The following KDM7A variants were observed in gnomAD, a reference collection of about 807,000 sequenced individuals.
The protein encoded by KDM7A is lysine demethylase 7A.
KDM7A carries 28 observed loss-of-function variants against 114.8 expected under a neutral mutation model. That is an observed-to-expected ratio of 0.24 (90% CI 0.18 to 0.33). The LOEUF (loss-of-function observed/expected upper bound fraction) is 0.33. Ranked by LOEUF, KDM7A falls within the 10% of genes least tolerant of loss-of-function variation. KDM7A has a pLI of 1.00. For synonymous variants in KDM7A, 423 were observed against 397.8 expected, an observed-to-expected ratio of 1.06 and a Z score of -0.75; for missense variants, 942 against 1,142.5, an observed-to-expected ratio of 0.82 and a Z score of 2.53.
chr7:140,176,802 A>G lies in KDM7A; in HGVS notation c.136T>C (p.Tyr46His). 1.4e-6 allele frequency: 2 copies of G among 1,413,792 alleles called. No homozygotes were observed. The highest frequency in any genetic ancestry group is 3.4e-5 in the East Asian group (1 of 29,254). The allele number at this position is 1,413,792 out of a possible 1,614,324, so 87.6% of individuals were successfully genotyped here. A position where few individuals can be genotyped will look rare whatever the true frequency, so the allele number is the denominator to read the frequency against. The change falls in exon 1 of 20, where the codon TAC becomes CAC. Residue 46 changes from tyrosine (Y) to histidine (H), a missense_variant. Physicochemically the swap from Tyr to His is moderately conservative, Grantham distance 83. Coordinates refer to ENST00000397560, the MANE Select transcript of KDM7A (RefSeq NM_030647.2). This position sits in a 1 kb window ranked among gnomAD's most constrained non-coding sequence, Gnocchi z 4.4. ...PPVYCVCRQP[Y>H]DVNRFMIECD... ...TCGATCATGAAGCGGTTCACGTCGT[A>G]CGGCTGCCGGCACACACAGTACACG... is the stretch of plus-strand genomic sequence containing the variant.
intron 5 of KDM7A, 27 bp from the exon 6 acceptor site, chr7:140,126,850 AC>A: frequency 1.3e-6 from 2 of 1,505,704 alleles, no homozygotes; most frequent in Non-Finnish European, 1.8e-6. Flanking sequence ...ATACACACAC[AC>A]CCACATCATG....
At position 140,176,904 on chromosome 7, in the gene KDM7A, C is replaced by A; in HGVS notation, c.34G>T (p.Ala12Ser). The change falls in exon 1 of 20, where the codon GCA becomes TCA. Residue 12 changes from alanine (A) to serine (S), a missense_variant. Transcript: ENST00000397560. This position sits in a 1 kb window ranked among gnomAD's most constrained non-coding sequence, Gnocchi z 4.4. ...AGAAAAVAAG[A>S]AAGAAAAAVS... ...GCTGCCGCGGCGGCTCCAGCTGCTG[C>A]TCCCGCGGCCACCGCCGCCGCCGCT... is the stretch of plus-strand genomic sequence containing the variant. The A allele has an allele frequency of 8.5e-7, 1 of 1,175,120 alleles. No individual in the cohort carries two copies. The highest frequency in any genetic ancestry group is 1.1e-6 in the Non-Finnish European group (1 of 944,636). 72.8% of individuals were successfully genotyped at this position (1,175,120 alleles called of 1,614,324 possible).
At chr7:140,152,638 G>C (rs987354264) in intron 1 of KDM7A, among the ~76,000 whole-genome samples, 1 of 147,042 alleles carries the variant, frequency 6.8e-6, no homozygotes, top group African/African-American at 2.5e-5. Context: ...AAAAAAAAAA[G>C]AAATCCAACA....
At chr7:140,124,826 T>TAC (rs1818672881) in intron 6 of KDM7A, 43 bp from the exon 7 acceptor site, 1 of 1,230,946 alleles carries the variant, frequency 8.1e-7, no homozygotes, top group African/African-American at 1.5e-5. Flanking sequence ...GCAAAAGCCA[T>TAC]ACTTAGGATA....
chr7:140,107,810 T>A (rs1026206852), intron 11 of KDM7A, among the ~76,000 whole-genome samples: 2 of 152,230 alleles, frequency 1.3e-5, no homozygotes, highest in Non-Finnish European at 2.9e-5. Context: ...TGAATTTGAA[T>A]GTTGGCCCGC....
At chr7:140,144,154 G>A (rs1046867090) in intron 1 of KDM7A, among the ~76,000 whole-genome samples, 1 of 152,132 alleles carries the variant, frequency 6.6e-6, no homozygotes, top group Non-Finnish European at 1.5e-5. Context: ...TGTGGTACTG[G>A]CATAAGGATA....
chr7:140,144,665 T>A (rs1181509063), intron 1 of KDM7A, among the ~76,000 whole-genome samples: 1 of 151,720 alleles, frequency 6.6e-6, no homozygotes, highest in Non-Finnish European at 1.5e-5. Context: ...TAGCTAGTGT[T>A]CAGAGTCCAA....
At chr7:140,121,687 T>C (rs1818620044) in intron 7 of KDM7A, among the ~76,000 whole-genome samples, 1 of 152,208 alleles carries the variant, frequency 6.6e-6, no homozygotes, top group African/African-American at 2.4e-5. Context: ...CCATACAAAA[T>C]GAAATTGTCC....
At chr7:140,165,402 T>C (rs1198817628) in intron 1 of KDM7A, among the ~76,000 whole-genome samples, 1 of 152,250 alleles carries the variant, frequency 6.6e-6, no homozygotes, top group Non-Finnish European at 1.5e-5. Context: ...CCCACCAGGT[T>C]GTTCTTCACA....
At position 140,090,840 on chromosome 7, in the gene KDM7A, C is replaced by A. The variant is rs1818006047; in HGVS notation, c.*254G>T. ...CAACAAAATAAAATTCAAGCCCTGA[C>A]AAGAGACCCTTTCCAGTTCAAGGTC... is the stretch of plus-strand genomic sequence containing the variant. On this transcript the variant is annotated 3_prime_UTR_variant, in exon 20 of 20. Transcript: ENST00000397560. The A allele has an allele frequency of 4.6e-6, 2 of 434,088 alleles. No individual in the cohort carries two copies. Among genetic ancestry groups the A allele is most frequent in the Non-Finnish European group, 8.2e-6 (2 of 243,904 alleles). The allele number at this position is 434,088 out of a possible 1,614,324, so 26.9% of individuals were successfully genotyped here. A position where few individuals can be genotyped will look rare whatever the true frequency, so the allele number is the denominator to read the frequency against.
rs76912507 is a variant in KDM7A, at chr7:140,166,894, A to G, written c.194+9850T>C. Among the ~76,000 whole-genome samples, 406 of 152,344 alleles carry G rather than the reference A, an allele frequency of 2.7e-3. 4 individuals carry two copies. The highest frequency in any genetic ancestry group is 9.3e-3 in the African/African-American group (388 of 41,574). The stretch of plus-strand genomic sequence containing the variant: ...GTTCCCTAAGTGATAATACAACTCA[A>G]ATAATTTTTTTCAGCAAAGTAGTAG... On this transcript the variant is annotated intron_variant, in intron 1 of 19. Coordinates refer to ENST00000397560, the MANE Select transcript of KDM7A (RefSeq NM_030647.2).
intron 1 of KDM7A, among the ~76,000 whole-genome samples, chr7:140,172,607 T>C (rs1177208076): frequency 2.6e-5 from 4 of 151,742 alleles, no homozygotes; most frequent in African/African-American, 9.7e-5. Flanking sequence ...GAGCTGAGAT[T>C]GCGCCACTGC....
At chr7:140,172,296 A>G (rs1411867001) in intron 1 of KDM7A, among the ~76,000 whole-genome samples, 3 of 152,106 alleles carry the variant, frequency 2.0e-5, no homozygotes, top group Non-Finnish European at 4.4e-5. Context: ...CTAAGGAAAT[A>G]ATTAAATAAC....
At chr7:140,144,585 A>G (rs1273209251) in intron 1 of KDM7A, among the ~76,000 whole-genome samples, 3 of 152,096 alleles carry the variant, frequency 2.0e-5, no homozygotes, top group African/African-American at 4.8e-5. Context: ...AAAGGTAGAG[A>G]GGTATGAGGA....
chr7:140,168,803 A>C (rs1175540878), intron 1 of KDM7A, among the ~76,000 whole-genome samples: 2 of 152,226 alleles, frequency 1.3e-5, no homozygotes, highest in Non-Finnish European at 2.9e-5. Context: ...TAGGTTAGCA[A>C]ATTCTTGGAC....
chr7:140,169,177 T>C (rs768631546), intron 1 of KDM7A, among the ~76,000 whole-genome samples: 4 of 152,144 alleles, frequency 2.6e-5, no homozygotes, highest in African/African-American at 9.7e-5. Context: ...AACCTACAGT[T>C]AATGGGAAAA....
At chr7:140,126,894 A>C in intron 5 of KDM7A, 71 bp from the exon 6 acceptor site, 1 of 1,140,172 alleles carries the variant, frequency 8.8e-7, no homozygotes, top group Non-Finnish European at 1.3e-6. Context: ...TGTTTTTCTC[A>C]TCTATTCCCA....
chr7:140,176,823 A>G lies in KDM7A; in HGVS notation c.115T>C (p.Tyr39His). ...TCGTACGGCTGCCGGCACACACAGT[A>G]CACGGGCGGGGGCGGCGGAGGCGCC... ...ASAPPPPPPV[Y>H]CVCRQPYDVN... Residue 39 changes from tyrosine to histidine, a missense_variant, in exon 1 of 20, where the codon TAC becomes CAC. Physicochemically the swap from Tyr to His is moderately conservative, Grantham distance 83. Coordinates refer to ENST00000397560, the MANE Select transcript of KDM7A (RefSeq NM_030647.2). The surrounding 1 kb of genome is among the most constrained non-coding windows in gnomAD (Gnocchi z 4.4). The G allele has an allele frequency of 7.4e-7, 1 of 1,359,978 alleles. No individual in the cohort carries two copies. Among genetic ancestry groups the G allele is most frequent in the Non-Finnish European group, 9.7e-7 (1 of 1,033,834 alleles). 84.2% of individuals were successfully genotyped at this position (1,359,978 alleles called of 1,614,324 possible). A position where few individuals can be genotyped will look rare whatever the true frequency, so the allele number is the denominator to read the frequency against.
chr7:140,117,617 T>A (rs567059568), intron 9 of KDM7A, among the ~76,000 whole-genome samples: 2 of 152,294 alleles, frequency 1.3e-5, no homozygotes, highest in Admixed American at 1.3e-4. Context: ...GTTCAATAGT[T>A]GGGATTTATT....
Sources: allele counts gnomAD v4.1 joint callset (sites outside exome capture counted in the v4.1 genomes callset), GRCh38; gene constraint gnomAD v4.1.1; non-coding constraint Gnocchi (gnomAD v3.1); transcripts MANE v1.5; gene names NCBI Gene and HGNC (gene_info 2026-07-23, HGNC 2026-07-21).